The following SV2C variants were observed in gnomAD, a reference collection of about 807,000 sequenced individuals.
The protein encoded by SV2C is synaptic vesicle glycoprotein 2C, also known as solute carrier family 22 member B3.
In SV2C, 49 loss-of-function variants were observed where a neutral mutation model predicts 79.7. The ratio of observed to expected loss-of-function variants is 0.61; its 90% confidence interval spans 0.49 to 0.78. The LOEUF (loss-of-function observed/expected upper bound fraction) is 0.78. Ranked by LOEUF, SV2C falls within the 30% of genes least tolerant of loss-of-function variation. The probability of loss-of-function intolerance (pLI) is 0.00; values close to 1 mark genes in which losing one functional copy is unlikely to be tolerated. For synonymous variants in SV2C, 334 were observed against 333.2 expected, an observed-to-expected ratio of 1.00 and a Z score of -0.03; for missense variants, 833 against 912.9, an observed-to-expected ratio of 0.91 and a Z score of 1.13.
chr5:76,121,150 G>C lies in SV2C; in HGVS notation c.-101-10500G>C, dbSNP rs376145428. 8.6e-5 allele frequency among the ~76,000 whole-genome samples: 13 copies of C among 151,832 alleles called. No homozygotes were observed. The East Asian group carries it at 2.3e-3, about 27-fold the overall frequency. ...TGAGCATTTTTTCATGTCTTTTTTG[G>C]CTGCATAAATGTCTTCTTTTGAGAA... On this transcript the variant is annotated intron_variant, in intron 1 of 12. Transcript: ENST00000502798.
the SV2C span, among the ~76,000 whole-genome samples, chr5:75,995,436 T>C: frequency 6.6e-6 from 1 of 152,130 alleles, no homozygotes; most frequent in Admixed American, 6.6e-5. Context: ...CCTAGATTGA[T>C]TGGCAGAACA....
chr5:76,077,438 G>A, the SV2C span, among the ~76,000 whole-genome samples: 1 of 152,182 alleles, frequency 6.6e-6, no homozygotes, highest in Non-Finnish European at 1.5e-5. Flanking sequence ...ACCTTATTTG[G>A]ATCTTGATTC....
chr5:76,320,506 T>C (rs1394402120), intron 12 of SV2C, among the ~76,000 whole-genome samples: 1 of 152,222 alleles, frequency 6.6e-6, no homozygotes, highest in Non-Finnish European at 1.5e-5. Flanking sequence ...AAGTTACTAG[T>C]GGAAACTGAG....
At chr5:76,001,998 G>A in the SV2C span, among the ~76,000 whole-genome samples, 1 of 151,314 alleles carries the variant, frequency 6.6e-6, no homozygotes, top group Non-Finnish European at 1.5e-5. Context: ...TCATTCTTAT[G>A]CCTTTGTATC....
chr5:75,872,926 AAAG>A, the SV2C span, among the ~76,000 whole-genome samples: 6 of 152,002 alleles, frequency 3.9e-5, no homozygotes, highest in African/African-American at 1.2e-4. Context: ...AAAATTAAAA[AAAG>A]AAAAAGAAAA....
At chr5:76,305,100 C>A (rs570662240) in intron 12 of SV2C, among the ~76,000 whole-genome samples, 25 of 152,186 alleles carry the variant, frequency 1.6e-4, no homozygotes, top group African/African-American at 6.0e-4. Flanking sequence ...TTCAAACAAC[C>A]ATAGCTCACA....
chr5:76,053,413 A>T, the SV2C span, among the ~76,000 whole-genome samples: 1 of 149,958 alleles, frequency 6.7e-6, no homozygotes, highest in Non-Finnish European at 1.5e-5. Flanking sequence ...ATGGTTCTGG[A>T]GTTCCATATC....
At chr5:76,147,122 G>C (rs910795638) in intron 2 of SV2C, among the ~76,000 whole-genome samples, 1 of 152,102 alleles carries the variant, frequency 6.6e-6, no homozygotes, top group Non-Finnish European at 1.5e-5. Flanking sequence ...ACGAAGTTTT[G>C]GACATAGGCA....
At chr5:76,305,054 AGG>A (rs903921018) in intron 12 of SV2C, among the ~76,000 whole-genome samples, 9 of 152,092 alleles carry the variant, frequency 5.9e-5, no homozygotes, top group Non-Finnish European at 1.3e-4. Context: ...TGTAAAGAGC[AGG>A]AGCAAGAGAG....
At chr5:76,068,145 G>A in the SV2C span, among the ~76,000 whole-genome samples, 6 of 152,040 alleles carry the variant, frequency 3.9e-5, no homozygotes, top group African/African-American at 4.8e-5. Context: ...CACTTTAATG[G>A]GAATGCCCCC....
At chr5:76,068,799 C>A in the SV2C span, among the ~76,000 whole-genome samples, 1 of 152,006 alleles carries the variant, frequency 6.6e-6, no homozygotes, top group East Asian at 1.9e-4. Flanking sequence ...TTTACTGATA[C>A]CGAGAGTTGA....
intron 4 of SV2C, among the ~76,000 whole-genome samples, chr5:76,219,050 G>T (rs962646388): frequency 6.6e-6 from 1 of 152,204 alleles, no homozygotes; most frequent in Admixed American, 6.5e-5. Context: ...AGTGTCCTGT[G>T]CCCACTACTC....
chr5:75,971,594 C>A, the SV2C span, among the ~76,000 whole-genome samples: 5 of 152,114 alleles, frequency 3.3e-5, no homozygotes, highest in East Asian at 9.7e-4. Context: ...AAGAGAATAA[C>A]ATACCTAGGA....
intron 12 of SV2C, among the ~76,000 whole-genome samples, chr5:76,317,870 A>T (rs1410551116): frequency 4.6e-5 from 7 of 152,066 alleles, no homozygotes; most frequent in Non-Finnish European, 1.0e-4. Flanking sequence ...TAATCTTATC[A>T]GTTGGTGGGG....
intron 3 of SV2C, among the ~76,000 whole-genome samples, chr5:76,200,703 G>A (rs894746877): frequency 5.3e-5 from 8 of 152,086 alleles, no homozygotes; most frequent in South Asian, 2.1e-4. Context: ...GCAGTGGTGC[G>A]ATCATGGCTC....
chr5:76,143,184 A>G (rs6886779), intron 2 of SV2C, among the ~76,000 whole-genome samples: 71,241 of 151,774 alleles, frequency 0.47, 17,654 homozygotes, highest in Middle Eastern at 0.58. Flanking sequence ...GTGAGCCACC[A>G]CGCCTGGCTG....
At chr5:76,161,908 C>G (rs1237581816) in intron 2 of SV2C, among the ~76,000 whole-genome samples, 1 of 151,986 alleles carries the variant, frequency 6.6e-6, no homozygotes, top group African/African-American at 2.4e-5. Flanking sequence ...ATATAAAATC[C>G]AGGACAGAAA....
intron 2 of SV2C, among the ~76,000 whole-genome samples, chr5:76,149,791 T>C (rs765035725): frequency 1.4e-4 from 21 of 152,250 alleles, no homozygotes; most frequent in Non-Finnish European, 2.5e-4. Flanking sequence ...GGGGGACATC[T>C]GTCCCTAATC....
At chr5:76,158,400 T>C (rs1742804340) in intron 2 of SV2C, among the ~76,000 whole-genome samples, 1 of 151,610 alleles carries the variant, frequency 6.6e-6, no homozygotes, top group Non-Finnish European at 1.5e-5. Context: ...GGAGAGGCTA[T>C]GTTAATATCA....
Sources: gnomAD v4.1 joint callset for allele counts (sites outside exome capture counted in the v4.1 genomes callset) on GRCh38, gnomAD v4.1.1 for gene constraint, MANE v1.5 for transcripts, NCBI Gene and HGNC (gene_info 2026-07-23, HGNC 2026-07-21) for gene names.